Variants in TAMM41 observed in about 807,000 individuals in gnomAD.
The protein encoded by TAMM41 is TAM41 mitochondrial translocator assembly and maintenance homolog.
In TAMM41, 36 loss-of-function variants were observed where a neutral mutation model predicts 44.1. The observed-to-expected ratio is 0.82, with a 90% CI of 0.63 to 1.08. The LOEUF (loss-of-function observed/expected upper bound fraction) is 1.08. TAMM41 is among the 50% of genes least tolerant of loss of function. The probability of loss-of-function intolerance (pLI) is 0.00; values close to 1 mark genes in which losing one functional copy is unlikely to be tolerated. For synonymous variants in TAMM41, 164 were observed against 153.1 expected (o/e 1.07, Z -0.53); for missense variants, 417 against 404.3 (o/e 1.03, Z -0.27).
the TAMM41 span, among the ~76,000 whole-genome samples, chr3:11,758,230 T>C: frequency 6.6e-6 from 1 of 152,238 alleles, no homozygotes; most frequent in Admixed American, 6.5e-5. Flanking sequence ...GACACAATGC[T>C]GGAGGCCGAA....
At chr3:11,791,392 G>A (rs1049225721) in intron 7 of TAMM41, among the ~76,000 whole-genome samples, 29 of 152,156 alleles carry the variant, frequency 1.9e-4, no homozygotes, top group African/African-American at 7.0e-4. Context: ...AGAAGAAAAA[G>A]GGAATAAAAT....
chr3:11,723,377 T>C, the TAMM41 span, among the ~76,000 whole-genome samples: 4,985 of 151,996 alleles, frequency 0.033, 264 homozygotes, highest in African/African-American at 0.11. Context: ...CTCAGGAGTT[T>C]GAGACCAGCC....
intron 7 of TAMM41, among the ~76,000 whole-genome samples, chr3:11,794,297 C>T (rs916791644): frequency 1.2e-4 from 18 of 151,956 alleles, no homozygotes; most frequent in African/African-American, 2.4e-4. Flanking sequence ...CCACCACGCC[C>T]GGCTAATTTT....
the TAMM41 span, among the ~76,000 whole-genome samples, chr3:11,741,085 G>A: frequency 6.8e-6 from 1 of 147,212 alleles, no homozygotes; most frequent in Admixed American, 6.7e-5. Flanking sequence ...CAGGCATGGT[G>A]GCGCATGCCT....
At chr3:11,823,660 C>CTTTTT (rs34657936) in intron 4 of TAMM41, among the ~76,000 whole-genome samples, 1 of 122,396 alleles carries the variant, frequency 8.2e-6, no homozygotes. Flanking sequence ...TGCCTTTTTA[C>CTTTTT]TTTTTTTTTT....
intron 2 of TAMM41, among the ~76,000 whole-genome samples, chr3:11,843,102 T>G (rs948220726): frequency 9.2e-5 from 14 of 152,178 alleles, no homozygotes; most frequent in African/African-American, 3.4e-4. Flanking sequence ...GGTTCCCGTC[T>G]ATCACCTGAC....
chr3:11,778,056 T>C, the TAMM41 span, among the ~76,000 whole-genome samples: 2 of 152,178 alleles, frequency 1.3e-5, no homozygotes, highest in South Asian at 2.1e-4. Context: ...TTCTTCCATT[T>C]GGCATCATGT....
chr3:11,817,336 A>G lies in TAMM41; in HGVS notation c.564T>C (p.Gly188=). ...CTTCTCCAACCACCATCCGAAAGTC[A>G]CCTAGTTAAAACAAAGAGATAAACA... The part of the protein sequence containing the change: ...FIEIAGLSYS[G]DFRMVVGEDK... Residue 188 remains glycine (G), a splice_region_variant and synonymous_variant, in exon 5 of 8, where the codon GGT becomes GGC. Coordinates refer to ENST00000455809, the MANE Select transcript of TAMM41 (RefSeq NM_001284401.2). 1 of 1,607,082 alleles carries G rather than the reference A, an allele frequency of 6.2e-7. No individual in the cohort carries two copies.
intron 7 of TAMM41, among the ~76,000 whole-genome samples, chr3:11,803,205 G>A (rs1207420005): frequency 6.6e-6 from 1 of 152,196 alleles, no homozygotes; most frequent in African/African-American, 2.4e-5. Flanking sequence ...CCAGGAGGCA[G>A]AGGTTGCTGC....
intron 3 of TAMM41, among the ~76,000 whole-genome samples, chr3:11,838,604 T>G (rs917228273): frequency 6.6e-6 from 1 of 152,182 alleles, no homozygotes; most frequent in Non-Finnish European, 1.5e-5. Context: ...TGGCAAGATA[T>G]GGGGTAGCAG....
At chr3:11,835,865 C>G (rs939326207) in intron 3 of TAMM41, among the ~76,000 whole-genome samples, 1 of 152,148 alleles carries the variant, frequency 6.6e-6, no homozygotes, top group East Asian at 1.9e-4. Context: ...CTTAGGGAGA[C>G]TGTCAGTGGT....
chr3:11,758,310 G>A, the TAMM41 span, among the ~76,000 whole-genome samples: 1 of 152,132 alleles, frequency 6.6e-6, no homozygotes, highest in Non-Finnish European at 1.5e-5. Flanking sequence ...ATTTTAAGTT[G>A]GGAGCAACAT....
At chr3:11,826,103 A>G (rs868513347) in intron 4 of TAMM41, among the ~76,000 whole-genome samples, 2 of 152,210 alleles carry the variant, frequency 1.3e-5, no homozygotes, top group Admixed American at 1.3e-4. Flanking sequence ...TGGAGCTAAT[A>G]TAAGTGTCCA....
chr3:11,773,730 C>A, the TAMM41 span, among the ~76,000 whole-genome samples: 1 of 152,158 alleles, frequency 6.6e-6, no homozygotes, highest in African/African-American at 2.4e-5. Context: ...TCTTGCCCAA[C>A]CTAGATGCTA....
chr3:11,818,554 C>T (rs1472759455), intron 4 of TAMM41, among the ~76,000 whole-genome samples: 1 of 152,166 alleles, frequency 6.6e-6, no homozygotes, highest in Non-Finnish European at 1.5e-5. Flanking sequence ...AAAGGACCAA[C>T]TTACACTACA....
chr3:11,734,141 G>A, the TAMM41 span, among the ~76,000 whole-genome samples: 1 of 152,204 alleles, frequency 6.6e-6, no homozygotes, highest in Admixed American at 6.5e-5. Context: ...TCTGTGCAAA[G>A]AGAACCCGGG....
At chr3:11,773,523 A>C in the TAMM41 span, among the ~76,000 whole-genome samples, 1 of 151,834 alleles carries the variant, frequency 6.6e-6, no homozygotes. Context: ...GCCCAGCCCC[A>C]CCCCGACATT....
chr3:11,803,592 A>G (rs1389998362), intron 7 of TAMM41, among the ~76,000 whole-genome samples: 1 of 152,208 alleles, frequency 6.6e-6, no homozygotes, highest in African/African-American at 2.4e-5. Context: ...AGAAATCATT[A>G]TATCAAAAAC....
the TAMM41 span, among the ~76,000 whole-genome samples, chr3:11,742,082 G>A: frequency 6.7e-6 from 1 of 150,152 alleles, no homozygotes; most frequent in Non-Finnish European, 1.5e-5. Flanking sequence ...GCATTTTAGA[G>A]GAACACACAC....
Sources: gnomAD v4.1 joint callset for allele counts (sites outside exome capture counted in the v4.1 genomes callset) on GRCh38, gnomAD v4.1.1 for gene constraint, MANE v1.5 for transcripts, NCBI Gene and HGNC (gene_info 2026-07-23, HGNC 2026-07-21) for gene names.